Variants in MAP3K19 observed in about 807,000 individuals in gnomAD.
MAP3K19 encodes mitogen-activated protein kinase kinase kinase 19, also known as SPS1/STE20-related protein kinase YSK4.
MAP3K19 carries 91 observed loss-of-function variants against 114.4 expected under a neutral mutation model. The ratio of observed to expected loss-of-function variants is 0.80; its 90% CI spans 0.67 to 0.95. The LOEUF is 0.95. MAP3K19 is among the 40% of genes least tolerant of loss of function. MAP3K19 has a pLI of 0.00. For missense variants in MAP3K19, 1,471 were observed against 1,573.2 expected, an observed-to-expected ratio of 0.94 and a Z score of 1.10; for synonymous variants, 518 against 530.5, an observed-to-expected ratio of 0.98 and a Z score of 0.32.
At chr2:134,997,260 A>G (rs939599328) in intron 8 of MAP3K19, among the ~76,000 whole-genome samples, 1 of 152,204 alleles carries the variant, frequency 6.6e-6, no homozygotes, top group Non-Finnish European at 1.5e-5. Context: ...GCATGATTCC[A>G]TTTCTATAAA....
intron 5 of MAP3K19, among the ~76,000 whole-genome samples, chr2:135,011,064 G>A (rs1246159447): frequency 6.6e-6 from 1 of 152,032 alleles, no homozygotes; most frequent in Non-Finnish European, 1.5e-5. Context: ...ACCTATTTCA[G>A]ACAACCAAAA....
chr2:135,031,029 A>T (rs1688367272), intron 2 of MAP3K19, among the ~76,000 whole-genome samples: 2 of 152,152 alleles, frequency 1.3e-5, no homozygotes, highest in Admixed American at 1.3e-4. Context: ...ACTCTATTCA[A>T]TATGGTGAGG....
At position 134,983,784 on chromosome 2, in the gene MAP3K19, T is replaced by C. The variant is rs773031774; in HGVS notation, c.3114A>G (p.Lys1038=). The change falls in exon 11 of 13, where the codon AAA becomes AAG. Residue 1038 remains lysine, a synonymous_variant. Coordinates refer to ENST00000392915, the MANE Select transcript of MAP3K19 (RefSeq NM_025052.5). ...TCTTCTTTTCATTTGAGATGAGAAATTTCTCCTCCCTGTCATATATCCTGA... is the reference window on the plus strand; with the variant it reads ...TCTTCTTTTCATTTGAGATGAGAAACTTCTCCTCCCTGTCATATATCCTGA... The part of the protein sequence containing the change: ...SGLRIYDREE[K]FLISNEKKIF... The C allele has an allele frequency of 6.2e-7, 1 of 1,605,636 alleles. No individual in the cohort carries two copies. Among genetic ancestry groups the C allele is most frequent in the Admixed American group, 1.7e-5 (1 of 58,054 alleles).
At position 134,991,555 on chromosome 2, in the gene MAP3K19, G is replaced by A; in HGVS notation, c.600C>T (p.Tyr200=). 6.2e-7 allele frequency: 1 copy of A among 1,613,678 alleles called. No homozygotes were observed. The highest frequency in any genetic ancestry group is 8.5e-7 in the Non-Finnish European group (1 of 1,179,618). The part of the protein sequence containing the change: ...SEEFSTSHMK[Y]SGRSIKFLLP... ...ATCTTACCTTGATGCTTCGGCCACT[G>A]TACTTCATATGAGAGGTCGAAAACT... is the stretch of plus-strand genomic sequence containing the variant. Residue 200 remains tyrosine, a synonymous_variant, in exon 9 of 13, where the codon TAC becomes TAT. Coordinates refer to ENST00000392915, the MANE Select transcript of MAP3K19 (RefSeq NM_025052.5).
intron 4 of MAP3K19, chr2:135,023,481 G>A (rs146771223): frequency 4.2e-4 from 225 of 533,362 alleles, no homozygotes; most frequent in African/African-American, 3.9e-3. Flanking sequence ...TTTCCCACAA[G>A]CCCAGTCCTA....
At chr2:135,012,350 T>C (rs1260056795) in intron 5 of MAP3K19, among the ~76,000 whole-genome samples, 1 of 152,064 alleles carries the variant, frequency 6.6e-6, no homozygotes, top group Admixed American at 6.6e-5. Flanking sequence ...TGGGAATCAC[T>C]CCCTTGTTGG....
At chr2:135,021,895 C>T in intron 4 of MAP3K19, 65 bp from the exon 5 acceptor site, 1 of 1,010,684 alleles carries the variant, frequency 9.9e-7, no homozygotes, top group Non-Finnish European at 1.5e-6. Flanking sequence ...AAAAGAAGAT[C>T]TAGCTCTATG....
In MAP3K19 at chr2:135,001,687, T is replaced by G. The variant is rs796866637; in HGVS notation, c.236-1672A>C. ...AGGATGTTCTGGTACAAAAGCTAAA[T>G]GTATTTAGTTCTTTGCTGTGGAAGT... is the stretch of plus-strand genomic sequence containing the variant. On this transcript the variant is annotated intron_variant, in intron 6 of 12. Coordinates refer to ENST00000392915, the MANE Select transcript of MAP3K19 (RefSeq NM_025052.5). Among the ~76,000 whole-genome samples, 15 of 152,350 alleles carry G rather than the reference T, an allele frequency of 9.8e-5. 1 individual carries two copies. The highest frequency in any genetic ancestry group is 3.6e-4 in the African/African-American group (15 of 41,580).
chr2:135,007,461 G>A (rs1248896195), intron 5 of MAP3K19, among the ~76,000 whole-genome samples: 3 of 152,046 alleles, frequency 2.0e-5, no homozygotes, highest in South Asian at 2.1e-4. Context: ...ATTTTTAAAC[G>A]TACAATTAAA....
intron 9 of MAP3K19, among the ~76,000 whole-genome samples, chr2:134,990,218 T>C (rs952607392): frequency 2.0e-5 from 3 of 152,196 alleles, no homozygotes; most frequent in African/African-American, 7.2e-5. Flanking sequence ...ATGTGAGTTG[T>C]TGTTTTTCCA....
At chr2:134,998,041 A>G (rs61554012) in intron 8 of MAP3K19, among the ~76,000 whole-genome samples, 3,060 of 152,210 alleles carry the variant, frequency 0.02, 117 homozygotes, top group African/African-American at 0.07. Context: ...ACAGTGGTAA[A>G]CAAGTAGCAA....
rs1685274431 is a variant in MAP3K19 at position 134,987,855 on chromosome 2, G to A, written c.1017C>T (p.Gly339=). The change falls in exon 10 of 13, where the codon GGC becomes GGT. Residue 339 remains glycine (G), a synonymous_variant. Transcript: ENST00000392915. The part of the protein sequence containing the change: ...SLVSFENLKE[G]NIPAVREEDI... ...CCTCTTCCCTAACTGCAGGAATATT[G>A]CCTTCCTTCAAATTCTCAAAAGACA... 6.2e-7 allele frequency: 1 copy of A among 1,611,584 alleles called. No homozygotes were observed. The highest frequency in any genetic ancestry group is 8.5e-7 in the Non-Finnish European group (1 of 1,180,034).
chr2:134,999,417 A>T lies in MAP3K19; in HGVS notation c.315-420T>A, dbSNP rs1188561221. On this transcript the variant is annotated intron_variant, in intron 7 of 12. Transcript: ENST00000392915. The surrounding 1 kb of genome is among the most constrained non-coding windows in gnomAD (Gnocchi z 4.1). The stretch of plus-strand genomic sequence containing the variant: ...TTTTGTAAAATATAAATGAATTGCC[A>T]TAAAAATGGAAGAAAAATAAAAGAC... Among the ~76,000 whole-genome samples the T allele has an allele frequency of 1.3e-5, 2 of 152,232 alleles. No individual in the cohort carries two copies. Among genetic ancestry groups the T allele is most frequent in the African/African-American group, 4.8e-5 (2 of 41,458 alleles).
intron 12 of MAP3K19, among the ~76,000 whole-genome samples, chr2:134,974,916 C>T (rs546375832): frequency 1.3e-5 from 2 of 152,242 alleles, no homozygotes; most frequent in East Asian, 3.9e-4. Context: ...TAGCTTTGAT[C>T]CTGGGTGTAT....
rs926286690 is a variant in MAP3K19, at chr2:135,011,275, C to T, written c.139-5744G>A. The stretch of plus-strand genomic sequence containing the variant: ...AAGTTTTGCCAGGCGCGGTGGCTCA[C>T]GCCTGTTATCCCAGCACTTTTGGAG... On this transcript the variant is annotated intron_variant, in intron 5 of 12. Transcript: ENST00000392915. Among the ~76,000 whole-genome samples the T allele has an allele frequency of 5.3e-5, 8 of 152,096 alleles. No homozygotes were observed. In the South Asian group the frequency reaches 6.2e-4, roughly 12 times the overall value.
chr2:135,011,192 G>A (rs1687197960), intron 5 of MAP3K19, among the ~76,000 whole-genome samples: 2 of 152,186 alleles, frequency 1.3e-5, no homozygotes, highest in Admixed American at 1.3e-4. Context: ...TCAAAAAGGA[G>A]TTTAAACTTT....
At chr2:135,025,880 G>T (rs561996176) in intron 3 of MAP3K19, among the ~76,000 whole-genome samples, 1 of 152,238 alleles carries the variant, frequency 6.6e-6, no homozygotes, top group East Asian at 1.9e-4. Flanking sequence ...GTTAAATGAT[G>T]AGAATCCCAT....
At chr2:134,973,070 A>G (rs1051812872) in intron 12 of MAP3K19, among the ~76,000 whole-genome samples, 1 of 152,212 alleles carries the variant, frequency 6.6e-6, no homozygotes, top group Admixed American at 6.5e-5. Context: ...ATCCTGGAAA[A>G]TGTTCCATGT....
At chr2:135,014,317 G>A (rs1323740822) in intron 5 of MAP3K19, among the ~76,000 whole-genome samples, 2 of 151,984 alleles carry the variant, frequency 1.3e-5, no homozygotes, top group Non-Finnish European at 1.5e-5. Context: ...TCATGCCACT[G>A]GCCACTGCAC....
Sources: gnomAD v4.1 joint callset for allele counts (sites outside exome capture counted in the v4.1 genomes callset) on GRCh38, gnomAD v4.1.1 for gene constraint, Gnocchi (gnomAD v3.1) non-coding constraint, MANE v1.5 for transcripts, NCBI Gene and HGNC (gene_info 2026-07-23, HGNC 2026-07-21) for gene names.